The following PELI2 variants were observed in gnomAD, a reference collection of about 807,000 sequenced individuals.
PELI2 encodes the protein E3 ubiquitin-protein ligase pellino homolog 2.
Under a neutral mutation model 42.3 loss-of-function variants are expected in PELI2, and 23 were observed. The observed-to-expected ratio is 0.54, with a 90% CI of 0.39 to 0.77. The LOEUF (loss-of-function observed/expected upper bound fraction) is 0.77, where lower values mean the gene tolerates loss of function less well. Among genes scored for constraint, PELI2 ranks in the 30% least tolerant of loss-of-function variants. PELI2 has a pLI of 0.00. For missense variants in PELI2, 463 were observed against 553.2 expected (o/e 0.84, Z 1.64); for synonymous variants, 245 against 212.2 (o/e 1.15, Z -1.34).
chr14:56,148,247 AT>A (rs1360084008), intron 1 of PELI2, among the ~76,000 whole-genome samples: 5 of 152,088 alleles, frequency 3.3e-5, no homozygotes, highest in Non-Finnish European at 5.9e-5. Flanking sequence ...TAGCCTCCTT[AT>A]TCCTTTTCAT....
intron 1 of PELI2, among the ~76,000 whole-genome samples, chr14:56,161,494 C>T (rs939094162): frequency 6.6e-6 from 1 of 152,086 alleles, no homozygotes; most frequent in African/African-American, 2.4e-5. Context: ...AGGATGGTCT[C>T]GATCTCTTGA....
intron 1 of PELI2, chr14:56,119,728 T>C: frequency 4.2e-6 from 4 of 962,264 alleles, no homozygotes; most frequent in Non-Finnish European, 4.9e-6. Context: ...TGCAGGAAAC[T>C]GGGGGGAAGG....
chr14:56,132,908 A>G (rs2139590670), intron 1 of PELI2, among the ~76,000 whole-genome samples: 1 of 152,326 alleles, frequency 6.6e-6, no homozygotes, highest in East Asian at 1.9e-4. Flanking sequence ...AACACAGATC[A>G]TTTAGCTTTC....
intron 2 of PELI2, among the ~76,000 whole-genome samples, chr14:56,218,074 C>G (rs1886976713): frequency 6.6e-6 from 1 of 152,204 alleles, no homozygotes; most frequent in African/African-American, 2.4e-5. Context: ...ACCTGCTCAA[C>G]ATCATGTAGC....
At chr14:56,187,981 AG>A (rs1411175792) in intron 2 of PELI2, among the ~76,000 whole-genome samples, 1 of 152,222 alleles carries the variant, frequency 6.6e-6, no homozygotes, top group East Asian at 1.9e-4. Flanking sequence ...GTCGTTGCCC[AG>A]GATGATCTTC....
chr14:56,165,456 T>C (rs1884920542), intron 1 of PELI2, among the ~76,000 whole-genome samples: 1 of 152,190 alleles, frequency 6.6e-6, no homozygotes, highest in Non-Finnish European at 1.5e-5. Context: ...TAGCCTGTCT[T>C]CAAGCGCATA....
intron 2 of PELI2, among the ~76,000 whole-genome samples, chr14:56,277,106 T>C (rs1594707878): frequency 6.6e-6 from 1 of 152,302 alleles, no homozygotes; most frequent in African/African-American, 2.4e-5. Flanking sequence ...CTGTTTCTGG[T>C]GTTTTCTAAA....
chr14:56,271,058 A>G (rs1265880648), intron 2 of PELI2, among the ~76,000 whole-genome samples: 1 of 152,194 alleles, frequency 6.6e-6, no homozygotes. Flanking sequence ...CAGTGAGGTG[A>G]TGCAATTTTA....
In PELI2 at chr14:56,197,981, C is replaced by G. The variant is rs1402458976; in HGVS notation, c.207+19517C>G. Among the ~76,000 whole-genome samples, 1 of 122,818 alleles carries G rather than the reference C, an allele frequency of 8.1e-6. No homozygotes were observed. The highest frequency in any genetic ancestry group is 3.0e-5 in the African/African-American group (1 of 32,934). 80.6% of individuals were successfully genotyped at this position (122,818 alleles called of 152,430 possible). A position where few individuals can be genotyped will look rare whatever the true frequency, so the allele number is the denominator to read the frequency against. On this transcript the variant is annotated intron_variant, in intron 2 of 5. Transcript: ENST00000267460. This position sits in a 1 kb window ranked among gnomAD's most constrained non-coding sequence, Gnocchi z 4.9. Reference sequence around the variant, plus strand: ...CATGACTGGTGAAGACACACACACACACACACACACACACACACACACACA... The same window carrying G: ...CATGACTGGTGAAGACACACACACAGACACACACACACACACACACACACA...
rs1305816641 is a variant in PELI2 at position 56,298,311 on chromosome 14, C to G, written c.*1145C>G. On this transcript the variant is annotated 3_prime_UTR_variant, in exon 6 of 6. Transcript: ENST00000267460. ...CATCTGCAGAGATAATTCAAAATTC[C>G]TGCTTTTGAGAGAGCAAATGAGTGT... 1 of 136,070 alleles carries G rather than the reference C, an allele frequency of 7.3e-6. No individual in the cohort carries two copies. Among genetic ancestry groups the G allele is most frequent in the Non-Finnish European group, 1.6e-5 (1 of 64,292 alleles). 8.4% of individuals were successfully genotyped at this position (136,070 alleles called of 1,614,324 possible). A position where few individuals can be genotyped will look rare whatever the true frequency, so the allele number is the denominator to read the frequency against.
intron 1 of PELI2, among the ~76,000 whole-genome samples, chr14:56,170,267 C>A (rs930537391): frequency 6.6e-6 from 1 of 152,186 alleles, no homozygotes; most frequent in South Asian, 2.1e-4. Flanking sequence ...GAGCCCACAT[C>A]GCTTCCATTC....
chr14:56,189,417 G>A (rs1250110985), intron 2 of PELI2, among the ~76,000 whole-genome samples: 5 of 152,170 alleles, frequency 3.3e-5, no homozygotes, highest in East Asian at 1.9e-4. Context: ...TCAAGCTTCC[G>A]CCTGGAAGTG....
chr14:56,292,154 T>C (rs1432825414), intron 5 of PELI2, among the ~76,000 whole-genome samples: 1 of 152,232 alleles, frequency 6.6e-6, no homozygotes, highest in East Asian at 1.9e-4. Context: ...AAAAATGGCT[T>C]GTATTAATGA....
At chr14:56,264,168 T>A (rs1408476829) in intron 2 of PELI2, among the ~76,000 whole-genome samples, 1 of 152,174 alleles carries the variant, frequency 6.6e-6, no homozygotes. Context: ...AGCTCTGCCT[T>A]CTTGCTTCAG....
chr14:56,227,580 A>G (rs953209332), intron 2 of PELI2, among the ~76,000 whole-genome samples: 2 of 151,926 alleles, frequency 1.3e-5, no homozygotes, highest in African/African-American at 2.4e-5. Flanking sequence ...GTATAGATGC[A>G]AATATGAATA....
At chr14:56,170,335 A>G (rs1012230996) in intron 1 of PELI2, among the ~76,000 whole-genome samples, 6 of 152,322 alleles carry the variant, frequency 3.9e-5, no homozygotes, top group African/African-American at 1.4e-4. Context: ...ACGTCTCCAA[A>G]ATGTGACTGG....
intron 3 of PELI2, among the ~76,000 whole-genome samples, chr14:56,280,907 A>G (rs1207519352): frequency 2.0e-5 from 3 of 152,184 alleles, no homozygotes; most frequent in African/African-American, 4.8e-5. Context: ...AACAAAACAT[A>G]TAATTCTCAG....
intron 2 of PELI2, among the ~76,000 whole-genome samples, chr14:56,236,242 A>T (rs1398001842): frequency 6.6e-6 from 1 of 152,232 alleles, no homozygotes; most frequent in Non-Finnish European, 1.5e-5. Flanking sequence ...AGAGGTGTGT[A>T]TATACTGGTA....
At chr14:56,293,768 G>A (rs1014731096) in intron 5 of PELI2, among the ~76,000 whole-genome samples, 1 of 152,174 alleles carries the variant, frequency 6.6e-6, no homozygotes, top group Admixed American at 6.5e-5. Context: ...CCCAGATGTG[G>A]GAGTCAAGGG....
Sources: gnomAD v4.1 joint callset for allele counts (sites outside exome capture counted in the v4.1 genomes callset) on GRCh38, gnomAD v4.1.1 for gene constraint, Gnocchi (gnomAD v3.1) non-coding constraint, MANE v1.5 for transcripts, NCBI Gene and HGNC (gene_info 2026-07-23, HGNC 2026-07-21) for gene names.